Variants in MAP2K5 observed in about 807,000 individuals in gnomAD.
The protein encoded by MAP2K5 is mitogen-activated protein kinase kinase 5.
Under a neutral mutation model 83.1 loss-of-function variants are expected in MAP2K5, and 49 were observed. The observed-to-expected ratio is 0.59, with a 90% CI of 0.47 to 0.75. The LOEUF (loss-of-function observed/expected upper bound fraction) is 0.75, where lower values mean the gene tolerates loss of function less well. Ranked by LOEUF, MAP2K5 falls within the 30% of genes least tolerant of loss-of-function variation. The probability of loss-of-function intolerance (pLI) is 0.00; values close to 1 mark genes in which losing one functional copy is unlikely to be tolerated. For synonymous variants in MAP2K5, 202 were observed against 191.8 expected (o/e 1.05, Z -0.44); for missense variants, 457 against 557.5 (o/e 0.82, Z 1.82).
At chr15:67,805,700 G>A (rs1002723585) in intron 21 of MAP2K5, among the ~76,000 whole-genome samples, 1 of 152,342 alleles carries the variant, frequency 6.6e-6, no homozygotes, top group Non-Finnish European at 1.5e-5. Context: ...TCCTCGCTAT[G>A]GCTCCCCGAG....
At chr15:67,713,994 A>T (rs893871344) in intron 16 of MAP2K5, among the ~76,000 whole-genome samples, 10 of 152,292 alleles carry the variant, frequency 6.6e-5, no homozygotes, top group African/African-American at 1.7e-4. Context: ...TCAGTTTCTT[A>T]TGTATAAGTT....
At chr15:67,618,350 T>G (rs4776947) in intron 8 of MAP2K5, among the ~76,000 whole-genome samples, 126,605 of 151,972 alleles carry the variant, frequency 0.83, 53,587 homozygotes, top group Middle Eastern at 0.93. Context: ...TGTTTTCTTC[T>G]CATCTTTCTG....
At chr15:67,792,178 G>A (rs955487294) in intron 21 of MAP2K5, among the ~76,000 whole-genome samples, 2 of 152,278 alleles carry the variant, frequency 1.3e-5, no homozygotes, top group Admixed American at 1.3e-4. Context: ...AGTTGGTCTG[G>A]TGGAAAGAAA....
rs561403113 is a variant in MAP2K5 at position 67,690,643 on chromosome 15, C to T, written c.848-1836C>T. Among the ~76,000 whole-genome samples the T allele has an allele frequency of 6.6e-6, 1 of 151,748 alleles. No individual in the cohort carries two copies. Among genetic ancestry groups the T allele is most frequent in the East Asian group, 1.9e-4 (1 of 5,154 alleles). On this transcript the variant is annotated intron_variant, in intron 13 of 21. Coordinates refer to ENST00000178640, the MANE Select transcript of MAP2K5 (RefSeq NM_145160.3). This position sits in a 1 kb window ranked among gnomAD's most constrained non-coding sequence, Gnocchi z 4.3. ...CTGTTTCCCAGGTTGAAGCAATTCTCCTCCCTCAGCCTCCCGAGTAGCTGA... is the reference window on the plus strand; with the variant it reads ...CTGTTTCCCAGGTTGAAGCAATTCTTCTCCCTCAGCCTCCCGAGTAGCTGA...
chr15:67,693,477 A>C (rs1292618934), intron 14 of MAP2K5, 41 bp from the exon 15 acceptor site: 2 of 1,502,866 alleles, frequency 1.3e-6, no homozygotes, highest in Non-Finnish European at 1.8e-6. Context: ...TTATTTCCAC[A>C]TTATCTTTAT....
chr15:67,639,458 G>A (rs1043236721), intron 9 of MAP2K5, among the ~76,000 whole-genome samples: 2 of 152,180 alleles, frequency 1.3e-5, no homozygotes, highest in African/African-American at 4.8e-5. Flanking sequence ...GAGGCACAGA[G>A]AAGTTAAATA....
Position 67,738,015 on chromosome 15 carries a change from C to T in MAP2K5, c.1074+10070C>T, listed in dbSNP as rs1294937180. 2.0e-5 allele frequency among the ~76,000 whole-genome samples: 3 copies of T among 151,780 alleles called. No homozygotes were observed. Among genetic ancestry groups the T allele is most frequent in the African/African-American group, 7.3e-5 (3 of 41,286 alleles). The stretch of plus-strand genomic sequence containing the variant: ...TATAGGAGTGCATCACCATACCCGG[C>T]TAATTTTTGTATTTTTAATAGAGAT... On this transcript the variant is annotated intron_variant, in intron 17 of 21. Coordinates refer to ENST00000178640, the MANE Select transcript of MAP2K5 (RefSeq NM_145160.3). The surrounding 1 kb of genome is among the most constrained non-coding windows in gnomAD (Gnocchi z 4.1).
intron 13 of MAP2K5, among the ~76,000 whole-genome samples, chr15:67,678,420 A>G (rs1272147861): frequency 6.6e-6 from 1 of 152,202 alleles, no homozygotes; most frequent in East Asian, 1.9e-4. Context: ...CACATGCCAC[A>G]TTTAAAAATG....
At chr15:67,730,316 C>T (rs1357093136) in intron 17 of MAP2K5, among the ~76,000 whole-genome samples, 3 of 152,172 alleles carry the variant, frequency 2.0e-5, no homozygotes, top group Non-Finnish European at 4.4e-5. Context: ...CTTTGGCCCA[C>T]GTTATGTCAT....
At chr15:67,680,947 G>T (rs1156607195) in intron 13 of MAP2K5, among the ~76,000 whole-genome samples, 1 of 152,166 alleles carries the variant, frequency 6.6e-6, no homozygotes, top group Non-Finnish European at 1.5e-5. Context: ...TTAGCATTTG[G>T]ATATGAGCCA....
In MAP2K5 at chr15:67,543,118, C is replaced by G. The variant is rs1022508548; in HGVS notation, c.-218C>G. On this transcript the variant is annotated 5_prime_UTR_variant, in exon 1 of 22. Transcript: ENST00000178640. This position sits in a 1 kb window ranked among gnomAD's most constrained non-coding sequence, Gnocchi z 4.3. ...TGCCCGCTTCCCGGTGCACCCTCCC[C>G]GGGAGACACCTCAGACCCCCGACAG... 1.0e-5 allele frequency: 6 copies of G among 580,782 alleles called. No individual in the cohort carries two copies. Among genetic ancestry groups the G allele is most frequent in the South Asian group, 8.2e-5 (4 of 48,804 alleles). 36.0% of individuals were successfully genotyped at this position (580,782 alleles called of 1,614,324 possible). A position where few individuals can be genotyped will look rare whatever the true frequency, so the allele number is the denominator to read the frequency against.
At chr15:67,569,520 A>G (rs1380097545) in intron 3 of MAP2K5, among the ~76,000 whole-genome samples, 1 of 152,202 alleles carries the variant, frequency 6.6e-6, no homozygotes, top group African/African-American at 2.4e-5. Flanking sequence ...TTTTTTCCAG[A>G]GACAGATTAT....
At position 67,758,144 on chromosome 15, in the gene MAP2K5, T is replaced by C. The variant is rs1429033672; in HGVS notation, c.1134+9543T>C. Among the ~76,000 whole-genome samples the C allele has an allele frequency of 6.6e-6, 1 of 152,202 alleles. No homozygotes were observed. The highest frequency in any genetic ancestry group is 1.5e-5 in the Non-Finnish European group (1 of 68,038). ...ACGTAGCCAGATTTGTGTTTTACACTGTGGCAGTGCTGTGGAAGATGGATT... is the reference window on the plus strand; with the variant it reads ...ACGTAGCCAGATTTGTGTTTTACACCGTGGCAGTGCTGTGGAAGATGGATT... On this transcript the variant is annotated intron_variant, in intron 19 of 21. Transcript: ENST00000178640. This position sits in a 1 kb window ranked among gnomAD's most constrained non-coding sequence, Gnocchi z 4.7.
Position 67,635,908 on chromosome 15 carries a change from G to A in MAP2K5, c.585+4981G>A, listed in dbSNP as rs75466172. ...ACTTTTTCTTTATCACTGGTATTGAGCTGGTGTTTACATCTTTAATGTCTC... is the reference window on the plus strand; with the variant it reads ...ACTTTTTCTTTATCACTGGTATTGAACTGGTGTTTACATCTTTAATGTCTC... On this transcript the variant is annotated intron_variant, in intron 9 of 21. Transcript: ENST00000178640. Among the ~76,000 whole-genome samples the A allele has an allele frequency of 8.2e-3, 1,252 of 152,228 alleles. 21 individuals carry two copies. Among genetic ancestry groups the A allele is most frequent in the African/African-American group, 0.029 (1,204 of 41,544 alleles).
At chr15:67,681,129 A>G (rs1295447911) in intron 13 of MAP2K5, among the ~76,000 whole-genome samples, 1 of 152,212 alleles carries the variant, frequency 6.6e-6, no homozygotes. Context: ...CAGCAGTGCT[A>G]AGCACACAGG....
At chr15:67,628,608 C>A in intron 8 of MAP2K5, 1 of 1,268,236 alleles carries the variant, frequency 7.9e-7, no homozygotes, top group Non-Finnish European at 1.1e-6. Flanking sequence ...AGAAAAGGGG[C>A]TTTGCCTTTA....
At chr15:67,773,240 G>A (rs1441049972) in intron 21 of MAP2K5, among the ~76,000 whole-genome samples, 1 of 152,140 alleles carries the variant, frequency 6.6e-6, no homozygotes, top group African/African-American at 2.4e-5. Flanking sequence ...CGAGTGCTGT[G>A]TTCTCAGCTC....
intron 7 of MAP2K5, among the ~76,000 whole-genome samples, chr15:67,596,526 A>G (rs2085531671): frequency 6.6e-6 from 1 of 152,374 alleles, no homozygotes; most frequent in African/African-American, 2.4e-5. Context: ...CATTACTAGT[A>G]TATGTAACTC....
At chr15:67,709,366 T>C (rs547600392) in intron 16 of MAP2K5, among the ~76,000 whole-genome samples, 8 of 151,924 alleles carry the variant, frequency 5.3e-5, no homozygotes, top group Admixed American at 2.0e-4. Flanking sequence ...ACTAGGAGGG[T>C]AATCCTTCCC....
Sources: allele counts gnomAD v4.1 joint callset (sites outside exome capture counted in the v4.1 genomes callset), GRCh38; gene constraint gnomAD v4.1.1; non-coding constraint Gnocchi (gnomAD v3.1); transcripts MANE v1.5; gene names NCBI Gene and HGNC (gene_info 2026-07-23, HGNC 2026-07-21).